STXBP5: variants seen among roughly 807,000 people sequenced by gnomAD.
STXBP5 encodes the protein syntaxin binding protein 5, also known as syntaxin-binding protein 5.
A neutral mutation model predicts 152.4 loss-of-function variants in STXBP5; 50 were observed. The observed-to-expected ratio is 0.33, with a 90% confidence interval of 0.26 to 0.42. The LOEUF is 0.42. STXBP5 is among the 10% of genes least tolerant of loss of function. STXBP5 has a pLI of 1.00. For missense variants in STXBP5, 1,167 were observed against 1,388.6 expected, an observed-to-expected ratio of 0.84 and a Z score of 2.54; for synonymous variants, 492 against 494.7, an observed-to-expected ratio of 0.99 and a Z score of 0.07.
intron 9 of STXBP5, among the ~76,000 whole-genome samples, chr6:147,298,932 G>A (rs1324822163): frequency 1.3e-5 from 2 of 151,730 alleles, no homozygotes; most frequent in Non-Finnish European, 2.9e-5. Context: ...AGAAAAAAGT[G>A]AACAAACCCA....
chr6:147,205,025 A>G (rs183081439), intron 1 of STXBP5, among the ~76,000 whole-genome samples: 122 of 152,272 alleles, frequency 8.0e-4, no homozygotes, highest in Non-Finnish European at 1.2e-3. Flanking sequence ...TGATTCACCA[A>G]CTTCGAAGTT....
At chr6:147,356,387 T>C (rs988487123) in intron 22 of STXBP5, among the ~76,000 whole-genome samples, 2 of 151,906 alleles carry the variant, frequency 1.3e-5, no homozygotes, top group African/African-American at 4.8e-5. Context: ...AAGTAACAAG[T>C]GTATTTATCA....
At chr6:147,375,767 CA>C (rs1422339957) in intron 26 of STXBP5, among the ~76,000 whole-genome samples, 1 of 151,524 alleles carries the variant, frequency 6.6e-6, no homozygotes, top group East Asian at 1.9e-4. Flanking sequence ...TATAGTACAC[CA>C]GAGACAAAGA....
At chr6:147,236,921 G>A (rs1205766181) in intron 3 of STXBP5, among the ~76,000 whole-genome samples, 9 of 151,948 alleles carry the variant, frequency 5.9e-5, no homozygotes, top group Admixed American at 3.3e-4. Flanking sequence ...TGGGACGACA[G>A]GTGCTTGCCA....
intron 23 of STXBP5, among the ~76,000 whole-genome samples, chr6:147,361,589 A>G (rs1412910006): frequency 2.0e-5 from 3 of 152,010 alleles, no homozygotes; most frequent in African/African-American, 7.2e-5. Flanking sequence ...GTCTGCTGTT[A>G]TTTTTTCTTT....
At chr6:147,282,816 G>GT (rs1780764781) in intron 8 of STXBP5, among the ~76,000 whole-genome samples, 1 of 152,158 alleles carries the variant, frequency 6.6e-6, no homozygotes. Context: ...AGGGTGATGT[G>GT]TTGCAGAGTA....
intron 26 of STXBP5, among the ~76,000 whole-genome samples, chr6:147,381,754 ACT>A (rs1476907655): frequency 6.6e-6 from 1 of 152,146 alleles, no homozygotes; most frequent in Non-Finnish European, 1.5e-5. Flanking sequence ...CTTTGACGTT[ACT>A]CTCAGTGAAA....
intron 7 of STXBP5, among the ~76,000 whole-genome samples, chr6:147,276,534 A>T (rs1421076191): frequency 1.3e-5 from 2 of 152,148 alleles, no homozygotes; most frequent in Non-Finnish European, 2.9e-5. Flanking sequence ...ATACATTTAT[A>T]CATGATACTA....
At chr6:147,316,642 C>T (rs952349825) in intron 16 of STXBP5, among the ~76,000 whole-genome samples, 4 of 152,164 alleles carry the variant, frequency 2.6e-5, no homozygotes, top group South Asian at 4.1e-4. Flanking sequence ...CAAACATTCT[C>T]GTAAAGCAGC....
chr6:147,336,372 A>G (rs1783825907), intron 19 of STXBP5, among the ~76,000 whole-genome samples: 1 of 152,014 alleles, frequency 6.6e-6, no homozygotes, highest in East Asian at 1.9e-4. Context: ...TTATGGGTTA[A>G]TTGTCTTACT....
chr6:147,381,953 T>C (rs116859023), intron 26 of STXBP5, among the ~76,000 whole-genome samples: 115 of 152,258 alleles, frequency 7.6e-4, no homozygotes, highest in Non-Finnish European at 1.4e-3. Flanking sequence ...TATTCATTAG[T>C]AGTGGTGGTG....
At chr6:147,384,337 G>GAAT (rs1467245362) in intron 27 of STXBP5, among the ~76,000 whole-genome samples, 1 of 152,120 alleles carries the variant, frequency 6.6e-6, no homozygotes, top group Non-Finnish European at 1.5e-5. Context: ...GTCTGGCTCA[G>GAAT]AATAGATGCT....
chr6:147,304,718 C>A (rs1196892725), intron 9 of STXBP5, among the ~76,000 whole-genome samples: 1 of 152,140 alleles, frequency 6.6e-6, no homozygotes, highest in African/African-American at 2.4e-5. Context: ...GCTGTCAAGA[C>A]CATGGGAACC....
chr6:147,254,516 A>C (rs545610961), intron 4 of STXBP5, among the ~76,000 whole-genome samples: 2 of 152,200 alleles, frequency 1.3e-5, no homozygotes, highest in Non-Finnish European at 2.9e-5. Context: ...AGCCTACAGA[A>C]TGCGAGAAAA....
In STXBP5 at chr6:147,333,114, CAA is replaced by C. The variant is rs550306476; in HGVS notation, c.2081-1041_2081-1040del. On this transcript the variant is annotated intron_variant, in intron 18 of 27. Transcript: ENST00000321680. ...TCAATAAAGAGTACATGTATATAAA[CAA>C]ATATTTTATCAAAGATTAAATGCAT... Among the ~76,000 whole-genome samples, 9 of 152,268 alleles carry C rather than the reference CAA, an allele frequency of 5.9e-5. No individual in the cohort carries two copies. The South Asian group carries it at 1.0e-3, about 18-fold the overall frequency.
At chr6:147,223,652 G>C (rs1209391753) in intron 2 of STXBP5, among the ~76,000 whole-genome samples, 2 of 152,148 alleles carry the variant, frequency 1.3e-5, no homozygotes, top group African/African-American at 4.8e-5. Flanking sequence ...AAACCAAAAT[G>C]TACAAACAAT....
At chr6:147,275,009 T>C (rs1192644338) in intron 7 of STXBP5, among the ~76,000 whole-genome samples, 1 of 152,076 alleles carries the variant, frequency 6.6e-6, no homozygotes, top group Non-Finnish European at 1.5e-5. Flanking sequence ...TCCATACAAT[T>C]TTGAGTTAGT....
At chr6:147,374,998 C>T (rs1332217773) in intron 26 of STXBP5, among the ~76,000 whole-genome samples, 1 of 152,188 alleles carries the variant, frequency 6.6e-6, no homozygotes, top group African/African-American at 2.4e-5. Flanking sequence ...TTTTTCCAGA[C>T]TGCTAGAGTC....
In STXBP5 at chr6:147,278,220, T is replaced by C; in HGVS notation, c.838+16T>C. On this transcript the variant is annotated intron_variant, in intron 8 of 27. Transcript: ENST00000321680. Reference sequence around the variant, plus strand: ...ACTCCACATGGTAAGAATGCATCAATTTTAAATACCACCTAATTGTAACGT... The same window carrying C: ...ACTCCACATGGTAAGAATGCATCAACTTTAAATACCACCTAATTGTAACGT... 1.3e-6 allele frequency: 2 copies of C among 1,588,630 alleles called. No individual in the cohort carries two copies. Among genetic ancestry groups the C allele is most frequent in the Non-Finnish European group, 1.7e-6 (2 of 1,165,696 alleles).
Sources: allele counts gnomAD v4.1 joint callset (sites outside exome capture counted in the v4.1 genomes callset), GRCh38; gene constraint gnomAD v4.1.1; transcripts MANE v1.5; gene names NCBI Gene and HGNC (gene_info 2026-07-23, HGNC 2026-07-21).